KIF21A: variants seen among roughly 807,000 people sequenced by gnomAD.
The protein encoded by KIF21A is kinesin-like protein KIF21A.
In KIF21A, 114 loss-of-function variants were observed where a neutral mutation model predicts 202.9. The ratio of observed to expected loss-of-function variants is 0.56; its 90% CI spans 0.48 to 0.66. KIF21A has a LOEUF of 0.66. Ranked by LOEUF, KIF21A falls within the 30% of genes least tolerant of loss-of-function variation. The pLI is 0.00. For synonymous variants in KIF21A, 667 were observed against 670.8 expected (o/e 0.99, Z 0.09); for missense variants, 1,677 against 1,994.9 (o/e 0.84, Z 3.04).
At chr12:39,322,003 C>T (rs1945321890) in intron 27 of KIF21A, 1 of 152,386 alleles carries the variant, frequency 6.6e-6, no homozygotes, top group Non-Finnish European at 1.5e-5. Flanking sequence ...CTTTCTTTGT[C>T]CTCAAGATAA....
At chr12:39,311,387 T>G in intron 32 of KIF21A, 30 bp downstream of exon 32, 3 of 1,600,550 alleles carry the variant, frequency 1.9e-6, no homozygotes, top group Non-Finnish European at 2.6e-6. Context: ...AAAAAGCTAT[T>G]AAATATCTGC....
chr12:39,315,852 G>T, intron 30 of KIF21A, 80 bp downstream of exon 30: 1 of 971,416 alleles, frequency 1.0e-6, no homozygotes, highest in South Asian at 1.3e-5. Context: ...ACAAAAATGA[G>T]ACTTGCTTAG....
At position 39,412,003 on chromosome 12, in the gene KIF21A, T is replaced by G. The variant is rs537365542; in HGVS notation, c.44+30924A>C. On this transcript the variant is annotated intron_variant, in intron 1 of 37. Transcript: ENST00000361418. ...GTGCACGCCACTGCACCCAGCTAATTTTTGTAATTTTTTTTTTGTAGAGAC... is the reference window on the plus strand; with the variant it reads ...GTGCACGCCACTGCACCCAGCTAATGTTTGTAATTTTTTTTTTGTAGAGAC... 5.3e-5 allele frequency among the ~76,000 whole-genome samples: 8 copies of G among 152,114 alleles called. No homozygotes were observed. In the East Asian group the frequency reaches 1.6e-3, roughly 30 times the overall value.
intron 1 of KIF21A, among the ~76,000 whole-genome samples, chr12:39,389,636 T>C (rs1951203631): frequency 6.6e-6 from 1 of 152,202 alleles, no homozygotes; most frequent in Non-Finnish European, 1.5e-5. Context: ...TCAGATATCT[T>C]TTCCATTAAG....
intron 11 of KIF21A, 96 bp downstream of exon 11, chr12:39,351,681 G>T: frequency 1.4e-6 from 1 of 719,098 alleles, no homozygotes; most frequent in Non-Finnish European, 2.4e-6. Context: ...CATATACTAA[G>T]GTACTCATGA....
intron 1 of KIF21A, among the ~76,000 whole-genome samples, chr12:39,431,473 TTAA>T (rs1937895251): frequency 6.6e-6 from 1 of 152,134 alleles, no homozygotes. Context: ...ACAGGAATAA[TTAA>T]TAATAAGTCT....
At chr12:39,399,646 A>C (rs889668084) in intron 1 of KIF21A, among the ~76,000 whole-genome samples, 1 of 152,142 alleles carries the variant, frequency 6.6e-6, no homozygotes, top group Non-Finnish European at 1.5e-5. Flanking sequence ...TCTCTCCCCC[A>C]AGTAACAAAT....
chr12:39,408,532 G>T (rs935129470), intron 1 of KIF21A, among the ~76,000 whole-genome samples: 1 of 151,974 alleles, frequency 6.6e-6, no homozygotes. Context: ...GAGAAAATTT[G>T]AACCTATAAA....
rs543831852 is a variant in KIF21A, at chr12:39,332,104, A to G, written c.3051+110T>C. ...ACATGTAAAACCTAAGCATTAGATTAGACCAGGAAATAGAAAATACCTTCA... is the reference window on the plus strand; with the variant it reads ...ACATGTAAAACCTAAGCATTAGATTGGACCAGGAAATAGAAAATACCTTCA... On this transcript the variant is annotated intron_variant, in intron 21 of 37. Coordinates refer to ENST00000361418, the MANE Select transcript of KIF21A (RefSeq NM_001173464.2). 4 of 1,003,672 alleles carry G rather than the reference A, an allele frequency of 4.0e-6. No individual in the cohort carries two copies. The African/African-American group carries it at 6.3e-5, about 16-fold the overall frequency. 62.2% of individuals were successfully genotyped at this position (1,003,672 alleles called of 1,614,324 possible).
chr12:39,436,805 T>TAA (rs1938861888), intron 1 of KIF21A, among the ~76,000 whole-genome samples: 2 of 152,124 alleles, frequency 1.3e-5, no homozygotes, highest in Non-Finnish European at 2.9e-5. Flanking sequence ...CTGAGAAGAT[T>TAA]AAATAGTTAA....
Position 39,367,025 on chromosome 12 carries a change from C to T in KIF21A, c.735+5G>A. On this transcript the variant is annotated splice_donor_5th_base_variant and intron_variant, in intron 5 of 37. Transcript: ENST00000361418. ...AAGTTTAAGAAATTAGAATTAATAA[C>T]TCACAGCATCTATTTGGGGACACAC... 1.9e-6 allele frequency: 3 copies of T among 1,612,524 alleles called. No homozygotes were observed. Among genetic ancestry groups the T allele is most frequent in the Non-Finnish European group, 1.7e-6 (2 of 1,178,560 alleles).
intron 1 of KIF21A, among the ~76,000 whole-genome samples, chr12:39,440,521 A>G (rs1286695739): frequency 6.6e-6 from 1 of 152,248 alleles, no homozygotes; most frequent in East Asian, 1.9e-4. Context: ...GGCACACAGT[A>G]TAAGTCAAAC....
chr12:39,326,528 T>C (rs929183005), intron 24 of KIF21A, among the ~76,000 whole-genome samples: 9 of 152,168 alleles, frequency 5.9e-5, no homozygotes, highest in Non-Finnish European at 8.8e-5. Context: ...GAGTAAAACA[T>C]GTTCAAATAG....
chr12:39,361,083 T>A (rs1198386050), intron 7 of KIF21A, among the ~76,000 whole-genome samples: 1 of 152,238 alleles, frequency 6.6e-6, no homozygotes, highest in East Asian at 1.9e-4. Context: ...AACATGAGAC[T>A]ATTTAGCTGT....
intron 17 of KIF21A, among the ~76,000 whole-genome samples, chr12:39,335,764 G>A (rs893317760): frequency 1.1e-4 from 17 of 152,022 alleles, no homozygotes; most frequent in African/African-American, 3.1e-4. Flanking sequence ...GGAACAAATC[G>A]ATAAAAACAC....
At chr12:39,360,476 G>A (rs984803297) in intron 7 of KIF21A, among the ~76,000 whole-genome samples, 15 of 150,482 alleles carry the variant, frequency 1.0e-4, no homozygotes, top group African/African-American at 3.4e-4. Flanking sequence ...TGCAACCTCC[G>A]CCTCCTGAGT....
At chr12:39,384,862 G>A (rs1950840334) in intron 1 of KIF21A, among the ~76,000 whole-genome samples, 1 of 152,124 alleles carries the variant, frequency 6.6e-6, no homozygotes, top group Admixed American at 6.5e-5. Flanking sequence ...TTGCAGTTCT[G>A]GACTGAGGAC....
chr12:39,335,742 T>C (rs894527641), intron 17 of KIF21A, among the ~76,000 whole-genome samples: 6 of 152,232 alleles, frequency 3.9e-5, no homozygotes, highest in African/African-American at 1.2e-4. Context: ...GTGCTTCTAC[T>C]TGATTTCAGT....
intron 17 of KIF21A, 112 bp from the exon 18 acceptor site, chr12:39,333,392 A>C: frequency 1.3e-6 from 1 of 791,178 alleles, no homozygotes; most frequent in Admixed American, 2.0e-5. Context: ...TCTTAGCAGA[A>C]TCTTTGAGTC....
Sources: gnomAD v4.1 joint callset for allele counts (sites outside exome capture counted in the v4.1 genomes callset) on GRCh38, gnomAD v4.1.1 for gene constraint, MANE v1.5 for transcripts, NCBI Gene and HGNC (gene_info 2026-07-23, HGNC 2026-07-21) for gene names.